The following TTC14 variants were observed in gnomAD, a reference collection of about 807,000 sequenced individuals.
TTC14 encodes the protein tetratricopeptide repeat protein 14.
TTC14 carries 63 observed loss-of-function variants against 79.9 expected under a neutral mutation model. The ratio of observed to expected loss-of-function variants is 0.79; its 90% CI spans 0.64 to 0.97. The LOEUF (loss-of-function observed/expected upper bound fraction) is 0.97, where lower values mean the gene tolerates loss of function less well. Among genes scored for constraint, TTC14 ranks in the 50% least tolerant of loss-of-function variants. The probability of loss-of-function intolerance (pLI) is 0.00; values close to 1 mark genes in which losing one functional copy is unlikely to be tolerated. For missense variants in TTC14, 895 were observed against 894.0 expected (o/e 1.00, Z -0.01); for synonymous variants, 335 against 309.6 (o/e 1.08, Z -0.86).
At position 180,616,498 on chromosome 3, in the gene TTC14, T is replaced by C. The variant is rs530929962; in HGVS notation, c.1775-882T>C. The C allele has an allele frequency of 2.6e-6, 4 of 1,515,244 alleles. 1 individual carries two copies. In the Admixed American group the frequency reaches 6.8e-5, roughly 26 times the overall value. 93.9% of individuals were successfully genotyped at this position (1,515,244 alleles called of 1,614,324 possible). On this transcript the variant is annotated intron_variant, in intron 12 of 12. Transcript: ENST00000382584. ...CATGAAGTTTTTAAGAAATATTTAA[T>C]AGAAGGTGCTGTATTACCTGTTGAA...
chr3:180,615,495 G>T (rs1186646485), downstream of TTC14, among the ~76,000 whole-genome samples: 2 of 152,096 alleles, frequency 1.3e-5, no homozygotes, highest in Admixed American at 6.6e-5. Flanking sequence ...GGATAAAGTG[G>T]TGGGGTCATT....
At chr3:180,603,439 T>C in intron 3 of TTC14, 116 bp downstream of exon 3, 1 of 896,846 alleles carries the variant, frequency 1.1e-6, no homozygotes, top group African/African-American at 1.7e-5. Flanking sequence ...CTTTTGGAAA[T>C]TAAATGTTAA....
downstream of TTC14, among the ~76,000 whole-genome samples, chr3:180,615,499 G>A (rs1369618062): frequency 6.6e-6 from 1 of 151,848 alleles, no homozygotes; most frequent in East Asian, 1.9e-4. Flanking sequence ...AAAGTGGTGG[G>A]GTCATTTGAA....
At position 180,616,845 on chromosome 3, in the gene TTC14, A is replaced by C; in HGVS notation, c.1775-535A>C. The C allele has an allele frequency of 1.9e-6, 3 of 1,610,310 alleles. No individual in the cohort carries two copies. Among genetic ancestry groups the C allele is most frequent in the Non-Finnish European group, 2.5e-6 (3 of 1,177,610 alleles). ...CGATACCTGTTTGGTCACTCTTTCTAATTTTGGCTTCTGCTCCTCCGTTTC... is the reference window on the plus strand; with the variant it reads ...CGATACCTGTTTGGTCACTCTTTCTCATTTTGGCTTCTGCTCCTCCGTTTC... On this transcript the variant is annotated intron_variant, in intron 12 of 12. Coordinates refer to the TTC14 transcript ENST00000382584.
At position 180,602,635 on chromosome 3, in the gene TTC14, T is replaced by G; in HGVS notation, c.161+213T>G. On this transcript the variant is annotated intron_variant, in intron 1 of 11. Coordinates refer to ENST00000296015, the MANE Select transcript of TTC14 (RefSeq NM_133462.4). ...GAACTTTTTCTCTGGCACTGCTTGG[T>G]AGAGGCGCAGATTCCTTAGCTAAAA... 6.9e-6 allele frequency: 5 copies of G among 723,622 alleles called. No homozygotes were observed. In the South Asian group the frequency reaches 1.0e-4, roughly 14 times the overall value. The allele number at this position is 723,622 out of a possible 1,614,324, so 44.8% of individuals were successfully genotyped here.
rs139560004 is a variant in TTC14 at position 180,616,568 on chromosome 3, A to G, written c.1775-812A>G. On this transcript the variant is annotated intron_variant, in intron 12 of 12. Coordinates refer to the TTC14 transcript ENST00000382584. ...ACGGATCTCAGTATTTTCTTCTATG[A>G]TATCAACTAACATTTCATCAATAAC... 3.3e-4 allele frequency: 529 copies of G among 1,600,572 alleles called. No individual in the cohort carries two copies. The African/African-American group carries it at 5.4e-3, about 16-fold the overall frequency.
downstream of TTC14, chr3:180,611,184 G>C: frequency 1.0e-6 from 1 of 985,006 alleles, no homozygotes; most frequent in Non-Finnish European, 1.2e-6. Context: ...AAGTTGAATA[G>C]GAGCCCATTT....
Position 180,602,251 on chromosome 3 carries a change from A to T in TTC14, c.-11A>T, listed in dbSNP as rs547203898. The T allele has an allele frequency of 3.7e-6, 6 of 1,613,566 alleles. No individual in the cohort carries two copies. The highest frequency in any genetic ancestry group is 2.2e-5 in the South Asian group (2 of 91,056). ...CAGCCCGTCGGCCTCCGGGCCCTGC[A>T]TTCTCTAGCCATGGACCGGGACCTT... On this transcript the variant is annotated 5_prime_UTR_variant, in exon 1 of 12. Coordinates refer to ENST00000296015, the MANE Select transcript of TTC14 (RefSeq NM_133462.4).
chr3:180,609,116 T>A, intron 11 of TTC14: 1 of 806,558 alleles, frequency 1.2e-6, no homozygotes, highest in African/African-American at 1.9e-5. Context: ...GGGGTGGATT[T>A]ATTCACCCGG....
At chr3:180,603,370 T>C in intron 3 of TTC14, 47 bp downstream of exon 3, 1 of 1,486,238 alleles carries the variant, frequency 6.7e-7, no homozygotes, top group Non-Finnish European at 9.4e-7. Flanking sequence ...TGTTAACGCA[T>C]CTCAATGCAA....
intron 4 of TTC14, 47 bp from the exon 5 acceptor site, chr3:180,604,431 T>G (rs754577755): frequency 9.0e-6 from 14 of 1,561,874 alleles, no homozygotes; most frequent in Non-Finnish European, 1.2e-5. Context: ...TATGTTAGTT[T>G]ACATTTTCTT....
chr3:180,611,322 C>A (rs1199306676), downstream of TTC14, among the ~76,000 whole-genome samples: 1 of 152,188 alleles, frequency 6.6e-6, no homozygotes, highest in Non-Finnish European at 1.5e-5. Context: ...GAAAAAAATC[C>A]TTTTAGCAAA....
At chr3:180,612,076 A>T (rs555312581), downstream of TTC14, among the ~76,000 whole-genome samples, 12 of 152,074 alleles carry the variant, frequency 7.9e-5, no homozygotes, top group South Asian at 2.1e-3. Context: ...CACCAAGAAG[A>T]AGCTTCTTTA....
Position 180,606,533 on chromosome 3 carries a change from T to G in TTC14, c.1102T>G (p.Leu368Val). ...AGCAATAGAAGATTTTGAGCTTGCA[T>G]TAGAAAACTGTCCAACTCACAGAAA... ...NKAIEDFELA[L>V]ENCPTHRNAR... The change falls in exon 9 of 12, where the codon TTA becomes GTA. Residue 368 changes from leucine (L) to valine (V), a missense_variant. By Grantham distance (32) the Leu-to-Val change is conservative. Coordinates refer to ENST00000296015, the MANE Select transcript of TTC14 (RefSeq NM_133462.4). The G allele has an allele frequency of 6.2e-7, 1 of 1,613,994 alleles. No homozygotes were observed. The highest frequency in any genetic ancestry group is 1.1e-5 in the South Asian group (1 of 91,072).
Position 180,606,390 on chromosome 3 carries a change from G to T in TTC14, c.1049+18G>T. 2 of 1,613,704 alleles carry T rather than the reference G, an allele frequency of 1.2e-6. No individual in the cohort carries two copies. The highest frequency in any genetic ancestry group is 4.5e-5 in the East Asian group (2 of 44,860). ...GGAGCATTGTAAGTGAATCATACAT[G>T]GATTTTAAGGAATGTTTACCAGGTA... On this transcript the variant is annotated intron_variant, in intron 8 of 11. Transcript: ENST00000296015.
downstream of TTC14, among the ~76,000 whole-genome samples, chr3:180,618,133 A>G (rs1384899031): frequency 1.3e-5 from 2 of 152,284 alleles, no homozygotes; most frequent in South Asian, 2.1e-4. Context: ...AGGCTATACC[A>G]TCTAGGTTTG....
At chr3:180,609,215 T>C (rs1470033815) in intron 11 of TTC14, 1 of 715,044 alleles carries the variant, frequency 1.4e-6, no homozygotes, top group Non-Finnish European at 1.7e-6. Context: ...GGGATGCTCT[T>C]AAACATTCTG....
chr3:180,612,104 A>AT (rs148053925), downstream of TTC14, among the ~76,000 whole-genome samples: 5,948 of 152,280 alleles, frequency 0.039, 368 homozygotes, highest in African/African-American at 0.13. Context: ...CATCTTAAAA[A>AT]GAGTCCTTAA....
At chr3:180,616,281 C>G in intron 12 of TTC14, 1 of 1,612,968 alleles carries the variant, frequency 6.2e-7, no homozygotes. Flanking sequence ...CTCCGCTTAC[C>G]TTGCTGATAG....
Sources: gnomAD v4.1 joint callset for allele counts (sites outside exome capture counted in the v4.1 genomes callset) on GRCh38, gnomAD v4.1.1 for gene constraint, MANE v1.5 for transcripts, NCBI Gene and HGNC (gene_info 2026-07-23, HGNC 2026-07-21) for gene names.